BCKDHA: variants seen among roughly 807,000 people sequenced by gnomAD.
The protein encoded by BCKDHA is 2-oxoisovalerate dehydrogenase subunit alpha, mitochondrial.
Under a neutral mutation model 52.2 loss-of-function variants are expected in BCKDHA, and 43 were observed. The observed-to-expected ratio is 0.82, with a 90% CI of 0.64 to 1.06. The LOEUF (loss-of-function observed/expected upper bound fraction) is 1.06, where lower values mean the gene tolerates loss of function less well. BCKDHA is among the 50% of genes least tolerant of loss of function. BCKDHA has a pLI of 0.00. For missense variants in BCKDHA, 527 were observed against 621.3 expected (o/e 0.85, Z 1.61); for synonymous variants, 234 against 247.9 (o/e 0.94, Z 0.53).
chr19:41,422,799 C>G (rs773329070), intron 7 of BCKDHA, 29 bp downstream of exon 7: 3 of 1,611,844 alleles, frequency 1.9e-6, no homozygotes, highest in Non-Finnish European at 1.7e-6. Context: ...GTCAGCACCC[C>G]CACAGCACTG....
rs533843031 is a variant in BCKDHA, at chr19:41,406,088, A to G, written c.109-4549A>G. ...CCAGGCACAGCGTGGAGCCCTTTGC[A>G]TAGCTCACTGAATTGGGGCAGCAAC... On this transcript the variant is annotated intron_variant, in intron 1 of 8. Transcript: ENST00000269980. 1.4e-4 allele frequency among the ~76,000 whole-genome samples: 22 copies of G among 152,268 alleles called. No homozygotes were observed. The South Asian group carries it at 4.6e-3, about 32-fold the overall frequency.
intron 1 of BCKDHA, among the ~76,000 whole-genome samples, chr19:41,403,965 T>C (rs183024801): frequency 3.3e-5 from 5 of 152,176 alleles, no homozygotes; most frequent in Admixed American, 2.6e-4. Flanking sequence ...GAGTATTTAC[T>C]TATTTATTTG....
In BCKDHA at chr19:41,410,742, G is replaced by A. The variant is rs373555514; in HGVS notation, c.214G>A (p.Val72Ile). ...IDKLEFIQPN[V>I]ISGIPIYRVM... The stretch of plus-strand genomic sequence containing the variant: ...TAAGTTGGAATTCATCCAGCCCAAC[G>A]TCATCTCTGGAATCCCCATCTACCG... Residue 72 changes from valine to isoleucine, a missense_variant, in exon 2 of 9, where the codon GTC (valine) becomes ATC (isoleucine). Transcript: ENST00000269980. 7.4e-6 allele frequency: 12 copies of A among 1,614,040 alleles called. No individual in the cohort carries two copies. Among genetic ancestry groups the A allele is most frequent in the African/African-American group, 2.7e-5 (2 of 74,900 alleles).
intron 3 of BCKDHA, among the ~76,000 whole-genome samples, chr19:41,412,765 G>A (rs138901783): frequency 0.034 from 5,149 of 151,480 alleles, 284 homozygotes; most frequent in African/African-American, 0.12. Flanking sequence ...GTGCAGTGGC[G>A]CAATCTCGGC....
At chr19:41,411,588 T>C (rs1404973006) in intron 3 of BCKDHA, among the ~76,000 whole-genome samples, 1 of 152,164 alleles carries the variant, frequency 6.6e-6, no homozygotes, top group Non-Finnish European at 1.5e-5. Context: ...CCCCCACCTT[T>C]ATAGAGCTTT....
chr19:41,422,348 G>A lies in BCKDHA; in HGVS notation c.831G>A (p.Glu277=). The change falls in exon 6 of 9, where the codon GAG becomes GAA. Residue 277 remains glutamate (E), a synonymous_variant. Coordinates refer to ENST00000269980, the MANE Select transcript of BCKDHA (RefSeq NM_000709.4). ...ACGCCATCTCCACGCCCACCTCTGAGCAGTATCGCGGCGATGGCATTGGTA... is the reference window on the plus strand; with the variant it reads ...ACGCCATCTCCACGCCCACCTCTGAACAGTATCGCGGCGATGGCATTGGTA... ...NGYAISTPTS[E]QYRGDGIAAR... is the part of the protein sequence containing the mutation. The A allele has an allele frequency of 6.2e-7, 1 of 1,614,204 alleles. No individual in the cohort carries two copies. Among genetic ancestry groups the A allele is most frequent in the South Asian group, 1.1e-5 (1 of 91,086 alleles).
intron 5 of BCKDHA, among the ~76,000 whole-genome samples, chr19:41,419,798 A>C: frequency 7.9e-6 from 1 of 127,138 alleles, no homozygotes. Flanking sequence ...ACGGGGTTTC[A>C]CTCTCGTCAG....
At chr19:41,399,748 TTCTC>T (rs1219457213) in intron 1 of BCKDHA, 13 of 151,274 alleles carry the variant, frequency 8.6e-5, no homozygotes, top group Admixed American at 1.3e-4. Flanking sequence ...CTCTTCTCTT[TTCTC>T]TCTCTCTTTC....
At position 41,424,589 on chromosome 19, in the gene BCKDHA, T is replaced by C. The variant is rs1275326898; in HGVS notation, c.1319T>C (p.Leu440Pro). The stretch of plus-strand genomic sequence containing the variant: ...CAGACCTACGGGGAGCACTACCCAC[T>C]GGATCACTTCGATAAGTGAGACCTG... ...HLQTYGEHYP[L>P]DHFDK is the part of the protein sequence containing the mutation. The change falls in exon 9 of 9, where the codon CTG (leucine) becomes CCG (proline). Residue 440 changes from leucine to proline, a missense_variant. Coordinates refer to ENST00000269980, the MANE Select transcript of BCKDHA (RefSeq NM_000709.4). 6.2e-7 allele frequency: 1 copy of C among 1,609,098 alleles called. No individual in the cohort carries two copies. Among genetic ancestry groups the C allele is most frequent in the Admixed American group, 1.7e-5 (1 of 59,832 alleles).
intron 1 of BCKDHA, among the ~76,000 whole-genome samples, chr19:41,402,569 G>A (rs1406565089): frequency 6.6e-6 from 1 of 152,152 alleles, no homozygotes; most frequent in Non-Finnish European, 1.5e-5. Context: ...ATGGTACCAG[G>A]CTGCCAGGAG....
intron 1 of BCKDHA, among the ~76,000 whole-genome samples, chr19:41,405,803 A>G (rs528551347): frequency 8.9e-4 from 135 of 151,890 alleles, no homozygotes; most frequent in African/African-American, 3.2e-3. Flanking sequence ...CCTTCAAGTG[A>G]CTCCACCAGG....
chr19:41,419,476 C>T (rs2039341694), intron 5 of BCKDHA, among the ~76,000 whole-genome samples, 180 bp downstream of exon 5: 1 of 152,178 alleles, frequency 6.6e-6, no homozygotes, highest in Non-Finnish European at 1.5e-5. Flanking sequence ...GAGTCTTGCA[C>T]TGTTGCCCAG....
At chr19:41,403,315 C>G (rs919961344) in intron 1 of BCKDHA, among the ~76,000 whole-genome samples, 1 of 152,208 alleles carries the variant, frequency 6.6e-6, no homozygotes, top group African/African-American at 2.4e-5. Flanking sequence ...ATCCACAAAG[C>G]CTTGCATGCA....
intron 8 of BCKDHA, among the ~76,000 whole-genome samples, chr19:41,423,722 C>A (rs911506433): frequency 6.6e-6 from 1 of 151,988 alleles, no homozygotes. Context: ...ATCCCAGCTA[C>A]TTGGGAGGCC....
intron 1 of BCKDHA, among the ~76,000 whole-genome samples, chr19:41,405,841 A>G (rs897099420): frequency 5.3e-5 from 8 of 152,206 alleles, no homozygotes; most frequent in Non-Finnish European, 1.0e-4. Flanking sequence ...TGGGCAGACC[A>G]GACCATCCAG....
intron 1 of BCKDHA, among the ~76,000 whole-genome samples, chr19:41,398,335 T>A (rs751492454): frequency 2.6e-5 from 4 of 152,098 alleles, no homozygotes; most frequent in Non-Finnish European, 4.4e-5. Context: ...TGGGCAAAGA[T>A]CCCTCTTCAA....
chr19:41,406,380 A>G (rs1316943674), intron 1 of BCKDHA, among the ~76,000 whole-genome samples: 1 of 152,064 alleles, frequency 6.6e-6, no homozygotes, highest in African/African-American at 2.4e-5. Context: ...TCTCTGGAGT[A>G]TCTGCTGGGG....
chr19:41,407,722 G>A (rs2039208478), intron 1 of BCKDHA, among the ~76,000 whole-genome samples: 1 of 152,210 alleles, frequency 6.6e-6, no homozygotes, highest in Admixed American at 6.5e-5. Flanking sequence ...AAGGAAGACG[G>A]AGGGACACAT....
In BCKDHA at chr19:41,408,369, A is replaced by G. The variant is rs181794885; in HGVS notation, c.109-2268A>G. Reference sequence around the variant, plus strand: ...GCAATGGCAGATAATCAACCTCACAAATTCCCCGAGGAGTTAGTAGGCTTG... The same window carrying G: ...GCAATGGCAGATAATCAACCTCACAGATTCCCCGAGGAGTTAGTAGGCTTG... On this transcript the variant is annotated intron_variant, in intron 1 of 8. Transcript: ENST00000269980. 3.1e-3 allele frequency among the ~76,000 whole-genome samples: 468 copies of G among 152,142 alleles called. 5 individuals carry two copies. Among genetic ancestry groups the G allele is most frequent in the African/African-American group, 0.01 (434 of 41,502 alleles).
Sources: gnomAD v4.1 joint callset for allele counts (sites outside exome capture counted in the v4.1 genomes callset) on GRCh38, gnomAD v4.1.1 for gene constraint, MANE v1.5 for transcripts, NCBI Gene and HGNC (gene_info 2026-07-23, HGNC 2026-07-21) for gene names.